Variants in DAAM2 observed in about 807,000 individuals in gnomAD.
The protein encoded by DAAM2 is dishevelled associated activator of morphogenesis 2.
DAAM2 carries 39 observed loss-of-function variants against 120.7 expected under a neutral mutation model. The ratio of observed to expected loss-of-function variants is 0.32; its 90% CI spans 0.25 to 0.42. DAAM2 has a LOEUF of 0.42. Among genes scored for constraint, DAAM2 ranks in the 10% least tolerant of loss-of-function variants. The probability of loss-of-function intolerance (pLI) is 1.00; values close to 1 mark genes in which losing one functional copy is unlikely to be tolerated. For missense variants in DAAM2, 1,283 were observed against 1,401.7 expected (o/e 0.92, Z 1.35); for synonymous variants, 488 against 524.9 (o/e 0.93, Z 0.96).
chr6:39,807,036 C>A (rs973927475), intron 1 of DAAM2, among the ~76,000 whole-genome samples: 3 of 151,932 alleles, frequency 2.0e-5, no homozygotes, highest in African/African-American at 7.3e-5. Context: ...CAGACAAAGT[C>A]TAATACATAT....
chr6:39,875,570 C>G, intron 11 of DAAM2, 102 bp downstream of exon 11: 1 of 1,405,938 alleles, frequency 7.1e-7, no homozygotes. Flanking sequence ...GCAACCCAGT[C>G]ATCCCGAAAT....
intron 1 of DAAM2, among the ~76,000 whole-genome samples, chr6:39,849,772 G>C (rs1763736756): frequency 6.6e-6 from 1 of 152,188 alleles, no homozygotes; most frequent in African/African-American, 2.4e-5. Context: ...GGAAGCAGGT[G>C]TGGTGTAGGT....
At chr6:39,862,782 G>A (rs545322228) in intron 3 of DAAM2, 1 of 107,688 alleles carries the variant, frequency 9.3e-6, no homozygotes, top group Admixed American at 1.5e-4. Context: ...TCCAGCCTGG[G>A]CAACAAGAGC....
intron 9 of DAAM2, among the ~76,000 whole-genome samples, chr6:39,872,452 T>A (rs1764700921): frequency 6.6e-6 from 1 of 152,200 alleles, no homozygotes; most frequent in Non-Finnish European, 1.5e-5. Flanking sequence ...ATACCTTTCC[T>A]GGGCTGACTT....
intron 1 of DAAM2, among the ~76,000 whole-genome samples, chr6:39,813,211 G>A (rs1762216186): frequency 6.6e-6 from 1 of 152,042 alleles, no homozygotes; most frequent in Admixed American, 6.6e-5. Context: ...CTCACCTACA[G>A]GCCACTTTCT....
chr6:39,855,990 GGAATATGAAAGT>G (rs1259422867), intron 1 of DAAM2: 1 of 975,534 alleles, frequency 1.0e-6, no homozygotes, highest in East Asian at 1.1e-4. Context: ...GCAAGGAAGG[GGAATATGAAAGT>G]GTCTTGGCAG....
intron 21 of DAAM2, among the ~76,000 whole-genome samples, chr6:39,897,892 C>T (rs1766212139): frequency 6.6e-6 from 1 of 152,156 alleles, no homozygotes; most frequent in South Asian, 2.1e-4. Context: ...ATTGTGTTGA[C>T]TGTATGGGCA....
intron 23 of DAAM2, among the ~76,000 whole-genome samples, chr6:39,900,864 C>G (rs1004485447): frequency 2.0e-5 from 3 of 152,156 alleles, no homozygotes; most frequent in Non-Finnish European, 4.4e-5. Flanking sequence ...TTTATAGCCA[C>G]CAACTCATCT....
chr6:39,828,043 C>T (rs768321139), intron 1 of DAAM2, among the ~76,000 whole-genome samples: 2 of 152,204 alleles, frequency 1.3e-5, no homozygotes, highest in African/African-American at 2.4e-5. Context: ...CTCACCTGTG[C>T]TCCCACAGGC....
intron 10 of DAAM2, among the ~76,000 whole-genome samples, chr6:39,873,896 T>C (rs1356375472): frequency 6.6e-6 from 1 of 152,250 alleles, no homozygotes; most frequent in Non-Finnish European, 1.5e-5. Context: ...AGTGATTGAA[T>C]AAATTGTACA....
At chr6:39,829,303 T>C (rs1024907555) in intron 1 of DAAM2, among the ~76,000 whole-genome samples, 13 of 152,212 alleles carry the variant, frequency 8.5e-5, no homozygotes, top group Admixed American at 1.3e-4. Flanking sequence ...ATCCTGTTTT[T>C]CTGTAAATAC....
At chr6:39,876,708 T>TGG (rs747072032) in intron 11 of DAAM2, among the ~76,000 whole-genome samples, 1 of 146,460 alleles carries the variant, frequency 6.8e-6, no homozygotes, top group East Asian at 2.0e-4. Flanking sequence ...ATGGGAAGGG[T>TGG]GTGTGTGTGT....
In DAAM2 at chr6:39,867,730, G is replaced by T. The variant is rs369507727; in HGVS notation, c.649G>T (p.Val217Leu). 5.0e-6 allele frequency: 8 copies of T among 1,613,918 alleles called. No individual in the cohort carries two copies. Among genetic ancestry groups the T allele is most frequent in the Non-Finnish European group, 6.8e-6 (8 of 1,179,918 alleles). ...ACGCACAGAGAACAGCAAGACCAAG[G>T]TGGCTGTGCTGGAGATCCTGGGTGC... ...SLRTENSKTK[V>L]AVLEILGAVC... is the part of the protein sequence containing the mutation. Residue 217 changes from valine (V) to leucine (L), a missense_variant, in exon 6 of 25, where the codon GTG becomes TTG. Transcript: ENST00000274867.
intron 1 of DAAM2, among the ~76,000 whole-genome samples, chr6:39,832,874 C>A (rs1762966003): frequency 6.6e-6 from 1 of 152,150 alleles, no homozygotes; most frequent in South Asian, 2.1e-4. Flanking sequence ...AGACTTGGCA[C>A]CCACTGCTGA....
chr6:39,830,847 C>G (rs946306444), intron 1 of DAAM2, among the ~76,000 whole-genome samples: 1 of 152,178 alleles, frequency 6.6e-6, no homozygotes, highest in Admixed American at 6.5e-5. Context: ...CCCTGCAGTC[C>G]GGACCAGCTT....
chr6:39,814,998 T>A (rs1357417985), intron 1 of DAAM2, among the ~76,000 whole-genome samples: 1 of 152,230 alleles, frequency 6.6e-6, no homozygotes, highest in Non-Finnish European at 1.5e-5. Flanking sequence ...TAGCTGAATC[T>A]CACTGCCACA....
chr6:39,855,372 T>C (rs2149281085), intron 1 of DAAM2, among the ~76,000 whole-genome samples: 1 of 152,262 alleles, frequency 6.6e-6, no homozygotes, highest in African/African-American at 2.4e-5. Flanking sequence ...CCTTGACCCT[T>C]TCTGTCCAAT....
chr6:39,901,445 G>T lies in DAAM2; in HGVS notation c.2955G>T (p.Glu985Asp). 1 of 1,611,342 alleles carries T rather than the reference G, an allele frequency of 6.2e-7. No individual in the cohort carries two copies. Among genetic ancestry groups the T allele is most frequent in the South Asian group, 1.1e-5 (1 of 91,048 alleles). The change falls in exon 24 of 25, where the codon GAG becomes GAT. Residue 985 changes from glutamate (E) to aspartate (D), a missense_variant. Physicochemically the swap from Glu to Asp is conservative, Grantham distance 45. This residue lies in a region of DAAM2 where 748 missense variants were observed against 768.6 expected (regional missense o/e 0.97). Coordinates refer to ENST00000274867, the MANE Select transcript of DAAM2 (RefSeq NM_001201427.2). The surrounding 1 kb of genome is among the most constrained non-coding windows in gnomAD (Gnocchi z 4.5). ...LEAMRRRKEEEERRARMEAML... is the reference protein window; with the variant it reads ...LEAMRRRKEEDERRARMEAML... ...CCATGAGGAGGAGGAAGGAGGAGGAGGAGCGGCGGGCGCGCATGGAAGCCA... is the reference window on the plus strand; with the variant it reads ...CCATGAGGAGGAGGAAGGAGGAGGATGAGCGGCGGGCGCGCATGGAAGCCA...
In DAAM2 at chr6:39,813,603, A is replaced by T. The variant is rs1371147352; in HGVS notation, c.-57+21138A>T. 3.9e-5 allele frequency among the ~76,000 whole-genome samples: 6 copies of T among 152,168 alleles called. No homozygotes were observed. In the South Asian group the frequency reaches 6.2e-4, roughly 16 times the overall value. On this transcript the variant is annotated intron_variant, in intron 1 of 24. Transcript: ENST00000274867. ...CTCCTTTATTATAAAAGAAACATGGATTTATTATACAAAATACATAGTAGC... is the reference window on the plus strand; with the variant it reads ...CTCCTTTATTATAAAAGAAACATGGTTTTATTATACAAAATACATAGTAGC...
Sources: gnomAD v4.1 joint callset for allele counts (sites outside exome capture counted in the v4.1 genomes callset) on GRCh38, gnomAD v4.1.1 for gene constraint, gnomAD v4.1.1 regional missense constraint, Gnocchi (gnomAD v3.1) non-coding constraint, MANE v1.5 for transcripts, NCBI Gene and HGNC (gene_info 2026-07-23, HGNC 2026-07-21) for gene names.